Variants in WWP1 observed in about 807,000 individuals in gnomAD.
The protein encoded by WWP1 is NEDD4-like E3 ubiquitin-protein ligase WWP1.
WWP1 carries 49 observed loss-of-function variants against 130.6 expected under a neutral mutation model. That is an observed-to-expected ratio of 0.38 (90% confidence interval 0.30 to 0.48). The LOEUF (loss-of-function observed/expected upper bound fraction) is 0.48, where lower values mean the gene tolerates loss of function less well. Ranked by LOEUF, WWP1 falls within the 20% of genes least tolerant of loss-of-function variation. The pLI, the probability that WWP1 is intolerant of heterozygous loss-of-function variation, is 0.99. For missense variants in WWP1, 809 were observed against 1,100.6 expected, an observed-to-expected ratio of 0.74 and a Z score of 3.75; for synonymous variants, 332 against 367.8, an observed-to-expected ratio of 0.90 and a Z score of 1.11.
At chr8:86,438,096 G>A (rs569213849) in intron 16 of WWP1, among the ~76,000 whole-genome samples, 6 of 152,118 alleles carry the variant, frequency 3.9e-5, no homozygotes, top group East Asian at 1.9e-4. Context: ...CACCACACCC[G>A]GCCTGTATAC....
At chr8:86,396,598 CTTCT>C (rs1478384001) in intron 5 of WWP1, among the ~76,000 whole-genome samples, 1 of 100,618 alleles carries the variant, frequency 9.9e-6, no homozygotes, top group African/African-American at 3.9e-5. Context: ...ATTTCTTTTT[CTTCT>C]TTCTTTTTTC....
chr8:86,378,018 G>T (rs564536642), intron 3 of WWP1, among the ~76,000 whole-genome samples: 3 of 151,992 alleles, frequency 2.0e-5, no homozygotes, highest in African/African-American at 7.2e-5. Context: ...TTAGTATCTT[G>T]CTTTTCTCTT....
chr8:86,468,358 G>T lies in WWP1; in HGVS notation c.*1465G>T. On this transcript the variant is annotated 3_prime_UTR_variant, in exon 25 of 25. Coordinates refer to ENST00000517970, the MANE Select transcript of WWP1 (RefSeq NM_007013.4). ...ATAGTAAAGACGAAAGAAAGGCAGA[G>T]ATCTGCTTGGTTGAATAGACTCCTT... 4.4e-6 allele frequency: 2 copies of T among 453,424 alleles called. No individual in the cohort carries two copies. Among genetic ancestry groups the T allele is most frequent in the East Asian group, 7.0e-5 (1 of 14,372 alleles). 28.1% of individuals were successfully genotyped at this position (453,424 alleles called of 1,614,324 possible).
intron 1 of WWP1, among the ~76,000 whole-genome samples, chr8:86,352,799 T>C (rs1327745225): frequency 6.6e-6 from 1 of 152,222 alleles, no homozygotes; most frequent in East Asian, 1.9e-4. Flanking sequence ...AGAAACTTGA[T>C]ACAGGGTGAT....
At chr8:86,464,724 C>G (rs75620645) in intron 24 of WWP1, among the ~76,000 whole-genome samples, 21 of 152,034 alleles carry the variant, frequency 1.4e-4, no homozygotes, top group Admixed American at 3.9e-4. Context: ...CTGTGTTGTC[C>G]CAGGTGGGTC....
chr8:86,411,733 C>T lies in WWP1; in HGVS notation c.920C>T (p.Ala307Val), dbSNP rs142420457. 3.1e-6 allele frequency: 5 copies of T among 1,614,152 alleles called. No individual in the cohort carries two copies. In the African/African-American group the frequency reaches 4.0e-5, roughly 13 times the overall value. ...ACCAGTGCAGAATTGGAATCTGAAG[C>T]TAGAAGTATATTAGAGCCTGACACC... ...PSTSAELESE[A>V]RSILEPDTSN... Residue 307 changes from alanine to valine, a missense_variant, in exon 9 of 25, where the codon GCT becomes GTT. By Grantham distance (64) the Ala-to-Val change is moderately conservative (BLOSUM62 0). Transcript: ENST00000517970.
Position 86,468,322 on chromosome 8 carries a change from A to G in WWP1, c.*1429A>G, listed in dbSNP as rs1316308636. On this transcript the variant is annotated 3_prime_UTR_variant, in exon 25 of 25. Coordinates refer to ENST00000517970, the MANE Select transcript of WWP1 (RefSeq NM_007013.4). The stretch of plus-strand genomic sequence containing the variant: ...ATATTGAGAGTGTGTTCTCCATTTT[A>G]TTCAGAATTCATAGTAAAGACGAAA... 2 of 433,608 alleles carry G rather than the reference A, an allele frequency of 4.6e-6. No individual in the cohort carries two copies. The highest frequency in any genetic ancestry group is 5.6e-5 in the Admixed American group (2 of 35,546). 26.9% of individuals were successfully genotyped at this position (433,608 alleles called of 1,614,324 possible).
intron 24 of WWP1, among the ~76,000 whole-genome samples, chr8:86,466,279 A>G (rs1027698976): frequency 6.6e-6 from 1 of 152,222 alleles, no homozygotes; most frequent in Non-Finnish European, 1.5e-5. Context: ...AAGAGTTTAT[A>G]TATGTGGTTA....
At chr8:86,436,767 T>TC (rs1332287557) in intron 16 of WWP1, among the ~76,000 whole-genome samples, 6 of 152,086 alleles carry the variant, frequency 3.9e-5, no homozygotes, top group African/African-American at 9.6e-5. Context: ...GACGTCTTAT[T>TC]CCCCCCCTAG....
At chr8:86,448,621 T>A in intron 20 of WWP1, 108 bp downstream of exon 20, 1 of 1,041,178 alleles carries the variant, frequency 9.6e-7, no homozygotes, top group Non-Finnish European at 1.3e-6. Context: ...GAAGTTCTTC[T>A]CACCAGTACC....
chr8:86,457,336 T>A (rs923682833), intron 21 of WWP1, among the ~76,000 whole-genome samples: 1 of 152,052 alleles, frequency 6.6e-6, no homozygotes, highest in South Asian at 2.1e-4. Context: ...TAAGATAGCA[T>A]AGATTTTTAA....
At chr8:86,382,701 A>T (rs973628783) in intron 5 of WWP1, among the ~76,000 whole-genome samples, 4 of 152,140 alleles carry the variant, frequency 2.6e-5, no homozygotes, top group Non-Finnish European at 5.9e-5. Flanking sequence ...CTCCATCTCA[A>T]ACCCGCAAAA....
chr8:86,466,118 C>T (rs980022621), intron 24 of WWP1, among the ~76,000 whole-genome samples: 2 of 152,194 alleles, frequency 1.3e-5, no homozygotes, highest in African/African-American at 4.8e-5. Context: ...TCTAGCTACT[C>T]AGTGCTGTAC....
chr8:86,346,595 T>G (rs184110277), intron 1 of WWP1, among the ~76,000 whole-genome samples: 52 of 152,324 alleles, frequency 3.4e-4, no homozygotes, highest in African/African-American at 1.1e-3. Context: ...GTAGTGCGAT[T>G]GGTAAACAGT....
At chr8:86,347,501 A>G (rs1484262024) in intron 1 of WWP1, among the ~76,000 whole-genome samples, 2 of 152,200 alleles carry the variant, frequency 1.3e-5, no homozygotes, top group African/African-American at 2.4e-5. Flanking sequence ...ATTTGAATTT[A>G]CCTGTTTGGA....
At chr8:86,389,418 A>T (rs1355420252) in intron 5 of WWP1, among the ~76,000 whole-genome samples, 2 of 152,112 alleles carry the variant, frequency 1.3e-5, no homozygotes, top group Non-Finnish European at 2.9e-5. Context: ...ACCCCCCTTA[A>T]TCCATTTAAC....
At chr8:86,394,771 C>T (rs1181064108) in intron 5 of WWP1, among the ~76,000 whole-genome samples, 3 of 151,944 alleles carry the variant, frequency 2.0e-5, no homozygotes, top group African/African-American at 7.3e-5. Context: ...GATTGTCCTT[C>T]CAGTTTTATG....
chr8:86,404,490 A>G (rs756260344), intron 8 of WWP1, among the ~76,000 whole-genome samples: 1 of 152,230 alleles, frequency 6.6e-6, no homozygotes, highest in Non-Finnish European at 1.5e-5. Context: ...TCCATTGGTA[A>G]TAAGTTCAGT....
chr8:86,432,070 CTG>C (rs968604179), intron 14 of WWP1, among the ~76,000 whole-genome samples: 2 of 152,254 alleles, frequency 1.3e-5, no homozygotes, highest in African/African-American at 4.8e-5. Context: ...GCATAACTAA[CTG>C]TGCAAAGTTA....
Sources: allele counts gnomAD v4.1 joint callset (sites outside exome capture counted in the v4.1 genomes callset), GRCh38; gene constraint gnomAD v4.1.1; transcripts MANE v1.5; gene names NCBI Gene and HGNC (gene_info 2026-07-23, HGNC 2026-07-21).